The following PATJ variants were observed in gnomAD, a reference collection of about 807,000 sequenced individuals.
The protein encoded by PATJ is PATJ crumbs cell polarity complex component.
Under a neutral mutation model 224.9 loss-of-function variants are expected in PATJ, and 190 were observed. The observed-to-expected ratio is 0.84, with a 90% CI of 0.75 to 0.95. The LOEUF (loss-of-function observed/expected upper bound fraction) is 0.95, where lower values mean the gene tolerates loss of function less well. Among genes scored for constraint, PATJ ranks in the 40% least tolerant of loss-of-function variants. PATJ has a pLI of 0.00. For missense variants in PATJ, 2,121 were observed against 2,270.3 expected (o/e 0.93, Z 1.34); for synonymous variants, 769 against 820.3 (o/e 0.94, Z 1.07).
chr1:61,886,036 G>A (rs1227232942), intron 22 of PATJ, among the ~76,000 whole-genome samples: 3 of 151,926 alleles, frequency 2.0e-5, no homozygotes, highest in African/African-American at 7.3e-5. Context: ...GTGGGGTGGG[G>A]GGATGGGGGA....
At chr1:62,010,697 G>A (rs988907530) in intron 28 of PATJ, among the ~76,000 whole-genome samples, 1 of 152,076 alleles carries the variant, frequency 6.6e-6, no homozygotes, top group Non-Finnish European at 1.5e-5. Context: ...TGAGCACTTA[G>A]GTTGATTCCA....
At chr1:61,811,954 G>A (rs1048582507) in intron 14 of PATJ, among the ~76,000 whole-genome samples, 11 of 151,384 alleles carry the variant, frequency 7.3e-5, no homozygotes, top group South Asian at 2.1e-4. Flanking sequence ...CCAGCTACTC[G>A]GGAGGCTGGG....
At position 61,977,476 on chromosome 1, in the gene PATJ, G is replaced by A. The variant is rs1467586106; in HGVS notation, c.3671-12692G>A. On this transcript the variant is annotated intron_variant, in intron 27 of 43. Transcript: ENST00000642238. ...GGTTAATTCATCTTTCCCAGTGTAAGAAAAAGGAAATAATAGTAGAATTTT... is the reference window on the plus strand; with the variant it reads ...GGTTAATTCATCTTTCCCAGTGTAAAAAAAAGGAAATAATAGTAGAATTTT... Among the ~76,000 whole-genome samples the A allele has an allele frequency of 1.3e-5, 2 of 152,016 alleles. 1 individual carries two copies. Among genetic ancestry groups the A allele is most frequent in the African/African-American group, 4.8e-5 (2 of 41,302 alleles).
At chr1:61,955,887 G>A (rs924490850) in intron 27 of PATJ, among the ~76,000 whole-genome samples, 12 of 151,922 alleles carry the variant, frequency 7.9e-5, no homozygotes, top group South Asian at 6.2e-4. Flanking sequence ...CTCTTTTTTG[G>A]TAATTCATGT....
intron 26 of PATJ, among the ~76,000 whole-genome samples, chr1:61,924,865 T>C (rs1674872115): frequency 6.6e-6 from 1 of 152,198 alleles, no homozygotes; most frequent in Admixed American, 6.5e-5. Context: ...CTACTGGTTT[T>C]ACGTTAAAGA....
At chr1:61,934,720 C>CT (rs977025153) in intron 27 of PATJ, among the ~76,000 whole-genome samples, 2 of 152,146 alleles carry the variant, frequency 1.3e-5, no homozygotes, top group African/African-American at 2.4e-5. Context: ...ACTTAACACT[C>CT]TAAGTTCCAT....
At chr1:62,010,056 C>T (rs1646340864) in intron 28 of PATJ, among the ~76,000 whole-genome samples, 1 of 124,630 alleles carries the variant, frequency 8.0e-6, no homozygotes, top group Non-Finnish European at 1.7e-5. Flanking sequence ...GCACTCCAGC[C>T]TGGGGGAGTG....
intron 17 of PATJ, among the ~76,000 whole-genome samples, chr1:61,840,679 AG>A (rs1242238728): frequency 6.6e-6 from 1 of 151,938 alleles, no homozygotes; most frequent in African/African-American, 2.4e-5. Context: ...TCCTGTACCC[AG>A]TTGGTGGGCA....
At chr1:61,996,741 C>CTT (rs56215259) in intron 28 of PATJ, among the ~76,000 whole-genome samples, 5,859 of 97,574 alleles carry the variant, frequency 0.06, 372 homozygotes, top group East Asian at 0.38. Context: ...CTTTTCTTTT[C>CTT]TTTTTTTTTT....
rs1490788559 is a variant in PATJ at position 62,161,326 on chromosome 1, GATTTCTTT to G, written c.*273_*280del. The stretch of plus-strand genomic sequence containing the variant: ...GTTTTGCATTTAATTTCAGTGTTCC[GATTTCTTT>G]TTTTTTTTTTTTTTTTTTTTTTGAG... On this transcript the variant is annotated 3_prime_UTR_variant, in exon 44 of 44. Transcript: ENST00000642238. 3.6e-3 allele frequency: 781 copies of G among 215,070 alleles called. 10 individuals are homozygous for G. The highest frequency in any genetic ancestry group is 0.019 in the African/African-American group (717 of 37,650). The allele number at this position is 215,070 out of a possible 1,614,324, so 13.3% of individuals were successfully genotyped here. A position where few individuals can be genotyped will look rare whatever the true frequency, so the allele number is the denominator to read the frequency against.
chr1:61,810,699 A>AAAAT (rs141039243), intron 14 of PATJ, among the ~76,000 whole-genome samples: 5,624 of 144,018 alleles, frequency 0.039, 137 homozygotes, highest in East Asian at 0.051. Context: ...TCTGTCTCAA[A>AAAAT]AAATAAATAA....
chr1:62,017,401 G>A (rs1159665736), intron 28 of PATJ, among the ~76,000 whole-genome samples: 2 of 135,386 alleles, frequency 1.5e-5, no homozygotes, highest in African/African-American at 2.9e-5. Flanking sequence ...GTGACTAAGC[G>A]AGACTCCGCC....
chr1:61,889,151 A>G (rs1669252491), intron 22 of PATJ, among the ~76,000 whole-genome samples: 1 of 152,154 alleles, frequency 6.6e-6, no homozygotes, highest in Non-Finnish European at 1.5e-5. Context: ...GAAGTGCTAA[A>G]TGGTATTTTA....
intron 27 of PATJ, among the ~76,000 whole-genome samples, chr1:61,944,808 G>A (rs1304912009): frequency 1.3e-5 from 2 of 152,196 alleles, no homozygotes; most frequent in Non-Finnish European, 2.9e-5. Flanking sequence ...AGGAAAAAAT[G>A]TTAAGGGCAG....
At chr1:62,002,298 G>A (rs1645821437) in intron 28 of PATJ, among the ~76,000 whole-genome samples, 1 of 152,118 alleles carries the variant, frequency 6.6e-6, no homozygotes, top group Non-Finnish European at 1.5e-5. Context: ...CTTTCATGGT[G>A]GGTAGTGTGG....
intron 18 of PATJ, among the ~76,000 whole-genome samples, chr1:61,860,038 A>G (rs1198664060): frequency 2.6e-5 from 4 of 152,168 alleles, no homozygotes; most frequent in African/African-American, 9.7e-5. Flanking sequence ...TATAATGGTG[A>G]TGAGAACAAA....
intron 19 of PATJ, among the ~76,000 whole-genome samples, chr1:61,862,393 C>T (rs763406792): frequency 6.6e-6 from 1 of 150,622 alleles, no homozygotes; most frequent in Non-Finnish European, 1.5e-5. Context: ...GACAGGGTTT[C>T]GCCACGTTGG....
chr1:61,907,768 C>T (rs1346202105), intron 24 of PATJ, among the ~76,000 whole-genome samples: 13 of 152,116 alleles, frequency 8.5e-5, no homozygotes, highest in Admixed American at 8.5e-4. Flanking sequence ...AGAGTGTGCT[C>T]TTGGAGATTT....
At chr1:61,814,547 T>TGTGTGTGTGTGCACGC (rs370488022) in intron 14 of PATJ, among the ~76,000 whole-genome samples, 1 of 142,494 alleles carries the variant, frequency 7.0e-6, no homozygotes, top group African/African-American at 2.7e-5. Flanking sequence ...TGTGTGTGTG[T>TGTGTGTGTGTGCACGC]GCGCGCGCGC....
Sources: gnomAD v4.1 joint callset for allele counts (sites outside exome capture counted in the v4.1 genomes callset) on GRCh38, gnomAD v4.1.1 for gene constraint, MANE v1.5 for transcripts, NCBI Gene and HGNC (gene_info 2026-07-23, HGNC 2026-07-21) for gene names.